The following GDF11 variants were observed in gnomAD, a reference collection of about 807,000 sequenced individuals.
GDF11 encodes growth/differentiation factor 11.
In GDF11, 12 loss-of-function variants were observed where a neutral mutation model predicts 34.4. That is an observed-to-expected ratio of 0.35 (90% CI 0.22 to 0.57). The LOEUF (loss-of-function observed/expected upper bound fraction) is 0.57. Ranked by LOEUF, GDF11 falls within the 20% of genes least tolerant of loss-of-function variation. The pLI, the probability that GDF11 is intolerant of heterozygous loss-of-function variation, is 0.86. For synonymous variants in GDF11, 212 were observed against 231.1 expected, an observed-to-expected ratio of 0.92 and a Z score of 0.75; for missense variants, 346 against 548.2, an observed-to-expected ratio of 0.63 and a Z score of 3.68.
Position 55,751,894 on chromosome 12 carries a change from C to G in GDF11, c.*2012C>G, listed in dbSNP as rs1230712883. 2 of 152,272 alleles carry G rather than the reference C, an allele frequency of 1.3e-5. No individual in the cohort carries two copies. The highest frequency in any genetic ancestry group is 4.8e-5 in the African/African-American group (2 of 41,458). The allele number at this position is 152,272 out of a possible 1,614,324, so 9.4% of individuals were successfully genotyped here. ...TCTTCCCAAGAGCATGACTCTCCCC[C>G]TTGGCCAGTTGGTGGAAGGGGCAAA... is the stretch of plus-strand genomic sequence containing the variant. On this transcript the variant is annotated 3_prime_UTR_variant, in exon 3 of 3. Coordinates refer to ENST00000257868, the MANE Select transcript of GDF11 (RefSeq NM_005811.5).
chr12:55,745,788 C>CT (rs1878171147), intron 1 of GDF11, among the ~76,000 whole-genome samples: 1 of 148,112 alleles, frequency 6.8e-6, no homozygotes, highest in African/African-American at 2.5e-5. Context: ...CTAGGCTGCT[C>CT]TGCCTGCCCT....
In GDF11 at chr12:55,749,218, T is replaced by C. The variant is rs1287268846; in HGVS notation, c.843+235T>C. On this transcript the variant is annotated intron_variant, in intron 2 of 2. Transcript: ENST00000257868. This position sits in a 1 kb window ranked among gnomAD's most constrained non-coding sequence, Gnocchi z 5.6. ...ATTTGAAGGTAAAGGTGTCAGTTAA[T>C]GGAAGAGCTGTGAGAACAAAAAAAC... 1.3e-5 allele frequency among the ~76,000 whole-genome samples: 2 copies of C among 152,082 alleles called. No homozygotes were observed. Among genetic ancestry groups the C allele is most frequent in the Non-Finnish European group, 1.5e-5 (1 of 68,002 alleles).
In GDF11 at chr12:55,749,439, G is replaced by C; in HGVS notation, c.844-63G>C. 6.6e-7 allele frequency: 1 copy of C among 1,514,508 alleles called. No homozygotes were observed. Among genetic ancestry groups the C allele is most frequent in the Non-Finnish European group, 8.9e-7 (1 of 1,123,540 alleles). The allele number at this position is 1,514,508 out of a possible 1,614,324, so 93.8% of individuals were successfully genotyped here. ...CTGATGCCCCTGGCAGGTGGGAAAG[G>C]AACAGGGAAGAGGAACTGTTCAGGA... On this transcript the variant is annotated intron_variant, in intron 2 of 2. Transcript: ENST00000257868. The surrounding 1 kb of genome is among the most constrained non-coding windows in gnomAD (Gnocchi z 5.6).
chr12:55,747,952 G>C (rs1174255926), intron 1 of GDF11, among the ~76,000 whole-genome samples: 1 of 152,200 alleles, frequency 6.6e-6, no homozygotes, highest in Non-Finnish European at 1.5e-5. Flanking sequence ...GAGAGAATGG[G>C]GAGACAGATG....
At position 55,750,165 on chromosome 12, in the gene GDF11, CAG is replaced by C. The variant is rs112652964; in HGVS notation, c.*286_*287del. 4.2e-5 allele frequency: 16 copies of C among 378,160 alleles called. No individual in the cohort carries two copies. Among genetic ancestry groups the C allele is most frequent in the South Asian group, 2.4e-4 (4 of 16,612 alleles). 23.4% of individuals were successfully genotyped at this position (378,160 alleles called of 1,614,324 possible). A position where few individuals can be genotyped will look rare whatever the true frequency, so the allele number is the denominator to read the frequency against. On this transcript the variant is annotated 3_prime_UTR_variant, in exon 3 of 3. Coordinates refer to ENST00000257868, the MANE Select transcript of GDF11 (RefSeq NM_005811.5). Reference sequence around the variant, plus strand: ...AGAGATGTAGAGACAGTGATAGAGACAGAGGAACAAAAAGAGCAGCAGTGAGA... The same window carrying C: ...AGAGATGTAGAGACAGTGATAGAGACAGGAACAAAAAGAGCAGCAGTGAGA...
Position 55,749,573 on chromosome 12 carries a change from C to T in GDF11, c.915C>T (p.Asp305=), listed in dbSNP as rs376855167. 1.7e-5 allele frequency: 27 copies of T among 1,613,932 alleles called. No homozygotes were observed. The highest frequency in any genetic ancestry group is 1.6e-4 in the Middle Eastern group (1 of 6,084). ...RSRRNLGLDC[D]EHSSESRCCR... The stretch of plus-strand genomic sequence containing the variant: ...GGCGGAACCTGGGTCTGGACTGCGA[C>T]GAGCACTCAAGCGAGTCCCGCTGCT... The change falls in exon 3 of 3, where the codon GAC becomes GAT. Residue 305 remains aspartate (D), a synonymous_variant. Transcript: ENST00000257868. This position sits in a 1 kb window ranked among gnomAD's most constrained non-coding sequence, Gnocchi z 5.6.
rs1449282134 is a variant in GDF11, at chr12:55,749,666, C to T, written c.1008C>T (p.Tyr336=). Residue 336 remains tyrosine (Y), a synonymous_variant, in exon 3 of 3, where the codon TAC becomes TAT. Transcript: ENST00000257868. The surrounding 1 kb of genome is among the most constrained non-coding windows in gnomAD (Gnocchi z 5.6). The part of the protein sequence containing the change: ...GWDWIIAPKR[Y]KANYCSGQCE... Reference sequence around the variant, plus strand: ...ACTGGATCATCGCACCTAAGCGCTACAAGGCCAACTACTGCTCCGGCCAGT... The same window carrying T: ...ACTGGATCATCGCACCTAAGCGCTATAAGGCCAACTACTGCTCCGGCCAGT... 2 of 1,614,126 alleles carry T rather than the reference C, an allele frequency of 1.2e-6. No homozygotes were observed.
intron 1 of GDF11, among the ~76,000 whole-genome samples, chr12:55,745,443 G>T (rs1471214830): frequency 6.6e-6 from 1 of 151,858 alleles, no homozygotes; most frequent in African/African-American, 2.4e-5. Flanking sequence ...GGTGGGAAGG[G>T]GACACCAGCT....
chr12:55,747,658 T>C (rs1204632503), intron 1 of GDF11, among the ~76,000 whole-genome samples: 2 of 152,164 alleles, frequency 1.3e-5, no homozygotes, highest in Non-Finnish European at 2.9e-5. Context: ...GAATCATCTA[T>C]TAGACCCAAG....
intron 1 of GDF11, among the ~76,000 whole-genome samples, chr12:55,747,331 T>C (rs1203359722): frequency 6.6e-6 from 1 of 151,746 alleles, no homozygotes; most frequent in Non-Finnish European, 1.5e-5. Flanking sequence ...ATCCTGAATA[T>C]ATGAAGTTCA....
chr12:55,743,587 G>T lies in GDF11; in HGVS notation c.271G>T (p.Glu91Ter). ...SQILSKLRLK[E>*]APNISREVVK... Reference sequence around the variant, plus strand: ...GATCTTGAGCAAACTGCGGCTCAAGGAGGCGCCCAACATCAGCCGCGAGGT... The same window carrying T: ...GATCTTGAGCAAACTGCGGCTCAAGTAGGCGCCCAACATCAGCCGCGAGGT... Residue 91 changes from glutamate to a stop codon, truncating the protein, a stop_gained, in exon 1 of 3, where the codon GAG becomes TAG. Transcript: ENST00000257868. LOFTEE classifies it high-confidence loss of function. 6.2e-7 allele frequency: 1 copy of T among 1,605,046 alleles called. No homozygotes were observed.
rs183152115 is a variant in GDF11, at chr12:55,744,334, C to G, written c.445+573C>G. On this transcript the variant is annotated intron_variant, in intron 1 of 2. Coordinates refer to ENST00000257868, the MANE Select transcript of GDF11 (RefSeq NM_005811.5). Reference sequence around the variant, plus strand: ...TTCCATCCTGACCCCTGTCTCAGACCGGGTATCCCAAGGGGTCGGAAAAGC... The same window carrying G: ...TTCCATCCTGACCCCTGTCTCAGACGGGGTATCCCAAGGGGTCGGAAAAGC... Among the ~76,000 whole-genome samples the G allele has an allele frequency of 6.0e-3, 907 of 152,296 alleles. 11 individuals are homozygous for G. The highest frequency in any genetic ancestry group is 0.021 in the African/African-American group (870 of 41,548).
chr12:55,743,434 G>A lies in GDF11; in HGVS notation c.118G>A (p.Ala40Thr). Residue 40 changes from alanine to threonine, a missense_variant, in exon 1 of 3, where the codon GCG (alanine) becomes ACG (threonine). Ala to Thr is a moderately conservative substitution (Grantham distance 58, BLOSUM62 0). Coordinates refer to ENST00000257868, the MANE Select transcript of GDF11 (RefSeq NM_005811.5). ...GGCGGCGGCGGCGGCGGCGGCGGCAGCGGCGGGGGTCGGGGGGGAGCGCTC... is the reference window on the plus strand; with the variant it reads ...GGCGGCGGCGGCGGCGGCGGCGGCAACGGCGGGGGTCGGGGGGGAGCGCTC... ...AAAAAAAAAAAAGVGGERSSR... is the reference protein window; with the variant it reads ...AAAAAAAAAATAGVGGERSSR... The A allele has an allele frequency of 8.7e-7, 1 of 1,147,228 alleles. No homozygotes were observed. The highest frequency in any genetic ancestry group is 4.2e-5 in the South Asian group (1 of 23,636). 71.1% of individuals were successfully genotyped at this position (1,147,228 alleles called of 1,614,324 possible).
chr12:55,745,190 A>C (rs910206445), intron 1 of GDF11, among the ~76,000 whole-genome samples: 2 of 152,016 alleles, frequency 1.3e-5, no homozygotes, highest in African/African-American at 4.8e-5. Context: ...AGGAATTCAG[A>C]TCAAGAGTTT....
chr12:55,747,951 G>A (rs528947215), intron 1 of GDF11, among the ~76,000 whole-genome samples: 9 of 152,334 alleles, frequency 5.9e-5, no homozygotes, highest in Admixed American at 4.6e-4. Context: ...AGAGAGAATG[G>A]GGAGACAGAT....
In GDF11 at chr12:55,749,463, G is replaced by A; in HGVS notation, c.844-39G>A. 1 of 1,573,536 alleles carries A rather than the reference G, an allele frequency of 6.4e-7. No individual in the cohort carries two copies. Among genetic ancestry groups the A allele is most frequent in the Non-Finnish European group, 8.6e-7 (1 of 1,157,500 alleles). ...GGAACAGGGAAGAGGAACTGTTCAG[G>A]ACCATATCACATTTCTTTCCCCTCT... On this transcript the variant is annotated intron_variant, in intron 2 of 2. Coordinates refer to ENST00000257868, the MANE Select transcript of GDF11 (RefSeq NM_005811.5). The surrounding 1 kb of genome is among the most constrained non-coding windows in gnomAD (Gnocchi z 5.6).
chr12:55,750,438 A>G lies in GDF11; in HGVS notation c.*556A>G, dbSNP rs1401679556. 3.3e-5 allele frequency: 5 copies of G among 152,316 alleles called. No homozygotes were observed. The highest frequency in any genetic ancestry group is 3.3e-4 in the Admixed American group (5 of 15,282). 9.4% of individuals were successfully genotyped at this position (152,316 alleles called of 1,614,324 possible). A position where few individuals can be genotyped will look rare whatever the true frequency, so the allele number is the denominator to read the frequency against. On this transcript the variant is annotated 3_prime_UTR_variant, in exon 3 of 3. Transcript: ENST00000257868. ...GAAGGGGAAGTGAGGGCAGGGGCAAAAAGATTTGGGAATTTTTATTTATTT... is the reference window on the plus strand; with the variant it reads ...GAAGGGGAAGTGAGGGCAGGGGCAAGAAGATTTGGGAATTTTTATTTATTT...
In GDF11 at chr12:55,752,444, G is replaced by C. The variant is rs928234694; in HGVS notation, c.*2562G>C. The C allele has an allele frequency of 1.3e-5, 2 of 151,684 alleles. No homozygotes were observed. The highest frequency in any genetic ancestry group is 4.9e-5 in the African/African-American group (2 of 41,236). 9.4% of individuals were successfully genotyped at this position (151,684 alleles called of 1,614,324 possible). ...CTGTGAGCTGAAGTCTCATTCCCCT[G>C]TTCCTCCCTACCCCCAAAGAGGCAC... On this transcript the variant is annotated 3_prime_UTR_variant, in exon 3 of 3. Transcript: ENST00000257868.
chr12:55,756,818 C>A lies in GDF11; in HGVS notation c.*6936C>A, dbSNP rs1878518904. ...TATCCAGCCCATCTCCCTTCCTGAA[C>A]TGACTGACCAACATAGTATCGTATC... On this transcript the variant is annotated 3_prime_UTR_variant, in exon 3 of 3. Coordinates refer to ENST00000257868, the MANE Select transcript of GDF11 (RefSeq NM_005811.5). 6.6e-6 allele frequency: 1 copy of A among 152,240 alleles called. No homozygotes were observed. The highest frequency in any genetic ancestry group is 2.4e-5 in the African/African-American group (1 of 41,464). 9.4% of individuals were successfully genotyped at this position (152,240 alleles called of 1,614,324 possible). A position where few individuals can be genotyped will look rare whatever the true frequency, so the allele number is the denominator to read the frequency against.
Sources: allele counts gnomAD v4.1 joint callset (sites outside exome capture counted in the v4.1 genomes callset), GRCh38; gene constraint gnomAD v4.1.1; non-coding constraint Gnocchi (gnomAD v3.1); transcripts MANE v1.5; gene names NCBI Gene and HGNC (gene_info 2026-07-23, HGNC 2026-07-21).